The following WDR45B variants were observed in gnomAD, a reference collection of about 807,000 sequenced individuals.
WDR45B encodes WD repeat domain phosphoinositide-interacting protein 3.
WDR45B carries 20 observed loss-of-function variants against 44.6 expected under a neutral mutation model. The observed-to-expected ratio is 0.45, with a 90% CI of 0.32 to 0.65. The LOEUF is 0.65. WDR45B is among the 30% of genes least tolerant of loss of function. The probability of loss-of-function intolerance (pLI) is 0.05; values close to 1 mark genes in which losing one functional copy is unlikely to be tolerated. For synonymous variants in WDR45B, 169 were observed against 164.9 expected (o/e 1.02, Z -0.19); for missense variants, 323 against 430.2 (o/e 0.75, Z 2.20).
Position 82,615,662 on chromosome 17 carries a change from A to G in WDR45B, c.*257T>C. The G allele has an allele frequency of 3.8e-6, 2 of 527,902 alleles. No individual in the cohort carries two copies. Among genetic ancestry groups the G allele is most frequent in the Admixed American group, 6.3e-5 (2 of 31,582 alleles). 32.7% of individuals were successfully genotyped at this position (527,902 alleles called of 1,614,324 possible). Reference sequence around the variant, plus strand: ...GCCACTGAAGCTAACGTCACAGCTGAACTCATGGGAACAGCCAGTGGCCGC... The same window carrying G: ...GCCACTGAAGCTAACGTCACAGCTGGACTCATGGGAACAGCCAGTGGCCGC... On this transcript the variant is annotated 3_prime_UTR_variant, in exon 10 of 10. Transcript: ENST00000392325.
intron 2 of WDR45B, among the ~76,000 whole-genome samples, chr17:82,640,710 T>G (rs976400614): frequency 6.6e-6 from 1 of 152,152 alleles, no homozygotes; most frequent in Non-Finnish European, 1.5e-5. Context: ...CCAAACTGTT[T>G]AAATGTGCCA....
chr17:82,635,011 A>C (rs1217712756), intron 2 of WDR45B, among the ~76,000 whole-genome samples: 1 of 152,032 alleles, frequency 6.6e-6, no homozygotes, highest in Admixed American at 6.6e-5. Context: ...GGTGGTTACT[A>C]GGAGACAGGG....
chr17:82,635,911 ACC>A (rs971606097), intron 2 of WDR45B, among the ~76,000 whole-genome samples: 2 of 150,860 alleles, frequency 1.3e-5, no homozygotes, highest in African/African-American at 4.9e-5. Context: ...AACATGGAAA[ACC>A]CCCGTCTCTA....
At chr17:82,617,502 C>G in intron 7 of WDR45B, 105 bp from the exon 8 acceptor site, 1 of 1,126,128 alleles carries the variant, frequency 8.9e-7, no homozygotes, top group Non-Finnish European at 1.3e-6. Context: ...AACATTCCCA[C>G]TCTGGAGGTG....
intron 2 of WDR45B, among the ~76,000 whole-genome samples, chr17:82,632,003 C>T (rs887188999): frequency 6.6e-6 from 1 of 151,316 alleles, no homozygotes; most frequent in African/African-American, 2.4e-5. Flanking sequence ...ATCACTTGAA[C>T]CCCGGAGGCT....
In WDR45B at chr17:82,625,702, G is replaced by A. The variant is rs773891952; in HGVS notation, c.333-219C>T. On this transcript the variant is annotated intron_variant, in intron 4 of 9. Coordinates refer to ENST00000392325, the MANE Select transcript of WDR45B (RefSeq NM_019613.4). ...TCTGCTGAGGGAGTGCTTCTCGCCT[G>A]GGTGAAGGTCAGCCTAAGAGACGTC... 13 of 556,240 alleles carry A rather than the reference G, an allele frequency of 2.3e-5. No individual in the cohort carries two copies. In the Middle Eastern group the frequency reaches 2.0e-3, roughly 85 times the overall value. 34.5% of individuals were successfully genotyped at this position (556,240 alleles called of 1,614,324 possible).
intron 2 of WDR45B, among the ~76,000 whole-genome samples, chr17:82,637,602 T>C (rs1020282824): frequency 1.3e-5 from 2 of 152,036 alleles, no homozygotes. Flanking sequence ...CAGCTTCAAG[T>C]TGGGGTTCCC....
intron 2 of WDR45B, among the ~76,000 whole-genome samples, chr17:82,637,942 G>C (rs893629721): frequency 1.3e-5 from 2 of 151,420 alleles, no homozygotes; most frequent in Non-Finnish European, 2.9e-5. Context: ...GGGAGGCCGA[G>C]GCAGACAAAT....
rs201126316 is a variant in WDR45B, at chr17:82,619,794, T to TG, written c.619-667dup. Among the ~76,000 whole-genome samples, 56 of 152,014 alleles carry TG rather than the reference T, an allele frequency of 3.7e-4. No individual in the cohort carries two copies. In the East Asian group the frequency reaches 7.5e-3, roughly 20 times the overall value. On this transcript the variant is annotated intron_variant, in intron 6 of 9. Transcript: ENST00000392325. ...CCTTCAACCCAGCAGCCCCTACTCC[T>TG]GGGGGTGCAGTAAGGAGCCAGCTTG...
At chr17:82,617,647 G>A in intron 7 of WDR45B, 1 of 520,978 alleles carries the variant, frequency 1.9e-6, no homozygotes, top group African/African-American at 1.9e-5. Flanking sequence ...AAATGCAGCT[G>A]ATGAGCTGTG....
Position 82,617,268 on chromosome 17 carries a change from T to C in WDR45B, c.806+28A>G, listed in dbSNP as rs1598257038. Reference sequence around the variant, plus strand: ...TGGGGACTCCTCTCATCCCCCGGCTTTTCCCCAGCAGGCATCCTAACACCT... The same window carrying C: ...TGGGGACTCCTCTCATCCCCCGGCTCTTCCCCAGCAGGCATCCTAACACCT... On this transcript the variant is annotated intron_variant, in intron 8 of 9. Transcript: ENST00000392325. The C allele has an allele frequency of 1.9e-6, 3 of 1,607,088 alleles. No homozygotes were observed. The East Asian group carries it at 6.7e-5, about 36-fold the overall frequency.
intron 2 of WDR45B, among the ~76,000 whole-genome samples, chr17:82,639,413 G>T (rs2045880059): frequency 6.6e-6 from 1 of 151,992 alleles, no homozygotes; most frequent in South Asian, 2.1e-4. Flanking sequence ...AACACAGCTT[G>T]CCAAATTACT....
chr17:82,632,509 A>T (rs2143325947), intron 2 of WDR45B, among the ~76,000 whole-genome samples: 1 of 152,246 alleles, frequency 6.6e-6, no homozygotes, highest in East Asian at 1.9e-4. Flanking sequence ...GAAAATGTCC[A>T]CAAATTTTCA....
rs2045526133 is a variant in WDR45B, at chr17:82,615,903, G to A, written c.*16C>T. 3 of 1,609,936 alleles carry A rather than the reference G, an allele frequency of 1.9e-6. No individual in the cohort carries two copies. Among genetic ancestry groups the A allele is most frequent in the Non-Finnish European group, 2.5e-6 (3 of 1,176,832 alleles). The stretch of plus-strand genomic sequence containing the variant: ...AAGGCGGCAGGTGGTGGGTGCTGTG[G>A]CGCCCCCAGCTGGAGTCACAGCTTG... On this transcript the variant is annotated 3_prime_UTR_variant, in exon 10 of 10. Coordinates refer to ENST00000392325, the MANE Select transcript of WDR45B (RefSeq NM_019613.4).
chr17:82,644,040 A>G lies in WDR45B; in HGVS notation c.68-17T>C. On this transcript the variant is annotated splice_polypyrimidine_tract_variant and intron_variant, in intron 1 of 9. Coordinates refer to ENST00000392325, the MANE Select transcript of WDR45B (RefSeq NM_019613.4). ...CAAAGCATCCTAAAGCAGAAGTGTA[A>G]AAGAGACATTAATCCCCAGGCCTGG... 1 of 1,613,712 alleles carries G rather than the reference A, an allele frequency of 6.2e-7. No individual in the cohort carries two copies.
chr17:82,617,978 G>T (rs2045562356), intron 7 of WDR45B, among the ~76,000 whole-genome samples: 1 of 150,988 alleles, frequency 6.6e-6, no homozygotes, highest in Admixed American at 6.6e-5. Context: ...GCCCAGGATA[G>T]AGCGCAGTAG....
chr17:82,622,899 G>A (rs945369366), intron 5 of WDR45B, among the ~76,000 whole-genome samples: 29 of 152,110 alleles, frequency 1.9e-4, no homozygotes, highest in Admixed American at 9.8e-4. Context: ...CAAAACAAAG[G>A]TACCAAGCTT....
intron 2 of WDR45B, among the ~76,000 whole-genome samples, chr17:82,631,277 ATT>A (rs386386786): frequency 0.022 from 1,895 of 86,792 alleles, 30 homozygotes; most frequent in African/African-American, 0.092. Context: ...TACAGGACTC[ATT>A]TTTTTTTTTT....
chr17:82,640,968 G>GT (rs1161941202), intron 2 of WDR45B, among the ~76,000 whole-genome samples: 1 of 42,484 alleles, frequency 2.4e-5, no homozygotes, highest in Non-Finnish European at 3.8e-5. Flanking sequence ...TTCTTGTCTG[G>GT]GTTTTTTTTT....
Sources: gnomAD v4.1 joint callset for allele counts (sites outside exome capture counted in the v4.1 genomes callset) on GRCh38, gnomAD v4.1.1 for gene constraint, MANE v1.5 for transcripts, NCBI Gene and HGNC (gene_info 2026-07-23, HGNC 2026-07-21) for gene names.